The following UGGT1 variants were observed in gnomAD, a reference collection of about 807,000 sequenced individuals.
UGGT1 encodes UDP-glucose glycoprotein glucosyltransferase 1, also known as UDP-glucose:glycoprotein glucosyltransferase 1.
UGGT1 carries 107 observed loss-of-function variants against 203.9 expected under a neutral mutation model. That is an observed-to-expected ratio of 0.52 (90% CI 0.45 to 0.62). The LOEUF is 0.62. Among genes scored for constraint, UGGT1 ranks in the 20% least tolerant of loss-of-function variants. UGGT1 has a pLI of 0.00. For synonymous variants in UGGT1, 628 were observed against 653.5 expected, an observed-to-expected ratio of 0.96 and a Z score of 0.59; for missense variants, 1,673 against 1,867.2, an observed-to-expected ratio of 0.90 and a Z score of 1.92.
intron 27 of UGGT1, 134 bp from the exon 28 acceptor site, chr2:128,171,071 C>T: frequency 1.3e-6 from 1 of 781,720 alleles, no homozygotes; most frequent in Non-Finnish European, 2.0e-6. Flanking sequence ...TTGTGATTTC[C>T]AGAAGTTTCG....
rs564706796 is a variant in UGGT1, at chr2:128,093,238, A to G, written c.58+1823A>G. On this transcript the variant is annotated intron_variant, in intron 1 of 40. Coordinates refer to ENST00000259253, the MANE Select transcript of UGGT1 (RefSeq NM_020120.4). ...AAACAGTGTAGGGGGATCTCGAGGC[A>G]GGCCACAGGTTCATAGGATTTTCAT... Among the ~76,000 whole-genome samples the G allele has an allele frequency of 2.5e-3, 325 of 129,806 alleles. 3 individuals carry two copies. Among genetic ancestry groups the G allele is most frequent in the African/African-American group, 8.3e-3 (301 of 36,394 alleles). 85.2% of individuals were successfully genotyped at this position (129,806 alleles called of 152,430 possible). A position where few individuals can be genotyped will look rare whatever the true frequency, so the allele number is the denominator to read the frequency against.
intron 31 of UGGT1, among the ~76,000 whole-genome samples, chr2:128,175,325 A>G (rs1691319331): frequency 6.6e-6 from 1 of 152,244 alleles, no homozygotes; most frequent in South Asian, 2.1e-4. Context: ...GTGGCATAGT[A>G]AGAACATTCC....
At chr2:128,099,722 G>A (rs1350679877) in intron 2 of UGGT1, among the ~76,000 whole-genome samples, 2 of 152,100 alleles carry the variant, frequency 1.3e-5, no homozygotes, top group African/African-American at 4.8e-5. Flanking sequence ...ACCATTGTAT[G>A]TATTTCATGG....
chr2:128,162,377 T>C (rs1486390047), intron 25 of UGGT1, among the ~76,000 whole-genome samples: 2 of 152,042 alleles, frequency 1.3e-5, no homozygotes, highest in African/African-American at 4.8e-5. Context: ...GCTTGCGAGG[T>C]TGCAATGAGC....
chr2:128,098,806 A>G (rs1687233980), intron 2 of UGGT1, among the ~76,000 whole-genome samples: 2 of 143,644 alleles, frequency 1.4e-5, no homozygotes, highest in Non-Finnish European at 3.0e-5. Context: ...AGAATTTTTC[A>G]TAAAACAATA....
At chr2:128,170,429 T>C (rs779842244) in intron 27 of UGGT1, 39 bp downstream of exon 27, 13 of 1,573,636 alleles carry the variant, frequency 8.3e-6, no homozygotes, top group East Asian at 2.2e-5. Flanking sequence ...CACCTTTGTT[T>C]GAAGTTGTCA....
At chr2:128,151,446 A>G (rs1689968790) in intron 18 of UGGT1, 4 of 353,940 alleles carry the variant, frequency 1.1e-5, no homozygotes, top group South Asian at 9.9e-5. Flanking sequence ...GATTTATAAT[A>G]TTGACCAAAG....
At chr2:128,120,546 G>T in intron 9 of UGGT1, 90 bp downstream of exon 9, 1 of 969,892 alleles carries the variant, frequency 1.0e-6, no homozygotes, top group Non-Finnish European at 1.6e-6. Flanking sequence ...ATTGTATGTA[G>T]TACGTGATTC....
chr2:128,182,656 G>T (rs1194328836), intron 37 of UGGT1, among the ~76,000 whole-genome samples: 1 of 137,772 alleles, frequency 7.3e-6, no homozygotes, highest in African/African-American at 2.7e-5. Context: ...CTGAGATCAC[G>T]CCGCTGCACT....
At chr2:128,183,592 GTGGCC>G in intron 37 of UGGT1, 78 bp from the exon 38 acceptor site, 2 of 967,690 alleles carry the variant, frequency 2.1e-6, no homozygotes, top group Non-Finnish European at 3.2e-6. Context: ...TATTTGGCTA[GTGGCC>G]TGTTCCATTA....
rs374704452 is a variant in UGGT1, at chr2:128,107,439, A to T, written c.278-499A>T. On this transcript the variant is annotated intron_variant, in intron 3 of 40. Transcript: ENST00000259253. ...TTGGAGTAGTTACCATATGCTAGGC[A>T]TCATGGATATAAGGATAAATAGGTC... Among the ~76,000 whole-genome samples the T allele has an allele frequency of 1.7e-3, 259 of 152,346 alleles. 1 individual carries two copies. The highest frequency in any genetic ancestry group is 0.015 in the South Asian group (72 of 4,832).
chr2:128,112,810 T>C (rs1449131772), intron 5 of UGGT1, among the ~76,000 whole-genome samples: 1 of 152,010 alleles, frequency 6.6e-6, no homozygotes, highest in East Asian at 1.9e-4. Context: ...GTCTTAGTTA[T>C]GATTACAGGC....
chr2:128,183,937 T>TGTGTGTGTGTGTGAGA (rs151153786), intron 38 of UGGT1, 148 bp downstream of exon 38: 260 of 328,490 alleles, frequency 7.9e-4, no homozygotes, highest in East Asian at 2.5e-3. Context: ...TGTGTGTGTG[T>TGTGTGTGTGTGTGAGA]GAGAGAGAGA....
chr2:128,175,843 C>T (rs1371487795), intron 31 of UGGT1, among the ~76,000 whole-genome samples: 1 of 152,214 alleles, frequency 6.6e-6, no homozygotes, highest in Non-Finnish European at 1.5e-5. Flanking sequence ...CTACTCTCTG[C>T]TAGATGACAG....
chr2:128,142,942 T>G, intron 16 of UGGT1, 152 bp from the exon 17 acceptor site: 1 of 714,338 alleles, frequency 1.4e-6, no homozygotes, highest in Non-Finnish European at 2.1e-6. Flanking sequence ...ATTGTGCCAT[T>G]GCACTCCAAC....
chr2:128,187,767 C>T (rs1692057569), intron 40 of UGGT1, among the ~76,000 whole-genome samples, 153 bp downstream of exon 40: 1 of 150,920 alleles, frequency 6.6e-6, no homozygotes. Flanking sequence ...TTTCATTTTC[C>T]TTTTATGTTG....
At position 128,108,084 on chromosome 2, in the gene UGGT1, T is replaced by C. The variant is rs1463280166; in HGVS notation, c.408+16T>C. On this transcript the variant is annotated intron_variant, in intron 4 of 40. Transcript: ENST00000259253. ...CTTCCAGCAGGTGGGTCCAGTGCTCTTAAAGAACAGCATTTTAGAGTGTAT... is the reference window on the plus strand; with the variant it reads ...CTTCCAGCAGGTGGGTCCAGTGCTCCTAAAGAACAGCATTTTAGAGTGTAT... 2 of 1,613,866 alleles carry C rather than the reference T, an allele frequency of 1.2e-6. No individual in the cohort carries two copies. The highest frequency in any genetic ancestry group is 2.2e-5 in the South Asian group (2 of 91,042).
In UGGT1 at chr2:128,167,381, A is replaced by T. The variant is rs150487955; in HGVS notation, c.2921+2556A>T. ...TGTGTCAGTTAAATGAATGTTTATT[A>T]CATTTAACTCAGAAGTTTCTCATTT... On this transcript the variant is annotated intron_variant, in intron 26 of 40. Transcript: ENST00000259253. 4.5e-3 allele frequency among the ~76,000 whole-genome samples: 687 copies of T among 152,344 alleles called. 4 individuals are homozygous for T. The highest frequency in any genetic ancestry group is 0.012 in the African/African-American group (518 of 41,574).
At chr2:128,120,654 AATAT>A (rs1395054021) in intron 9 of UGGT1, among the ~76,000 whole-genome samples, 198 bp downstream of exon 9, 1 of 152,206 alleles carries the variant, frequency 6.6e-6, no homozygotes. Flanking sequence ...AGGTAGAAGT[AATAT>A]ATATAAACAA....
Sources: gnomAD v4.1 joint callset for allele counts (sites outside exome capture counted in the v4.1 genomes callset) on GRCh38, gnomAD v4.1.1 for gene constraint, MANE v1.5 for transcripts, NCBI Gene and HGNC (gene_info 2026-07-23, HGNC 2026-07-21) for gene names.